The following KIF26B variants were observed in gnomAD, a reference collection of about 807,000 sequenced individuals.
The protein encoded by KIF26B is kinesin-like protein KIF26B.
Under a neutral mutation model 151.2 loss-of-function variants are expected in KIF26B, and 63 were observed. The observed-to-expected ratio is 0.42, with a 90% CI of 0.34 to 0.51. KIF26B has a LOEUF of 0.51. Ranked by LOEUF, KIF26B falls within the 20% of genes least tolerant of loss-of-function variation. KIF26B has a pLI of 0.07. For missense variants in KIF26B, 2,813 were observed against 2,913.6 expected (o/e 0.97, Z 0.79); for synonymous variants, 1,357 against 1,262.1 (o/e 1.08, Z -1.59).
chr1:245,662,334 T>C (rs1049303047), intron 10 of KIF26B, among the ~76,000 whole-genome samples: 1 of 144,166 alleles, frequency 6.9e-6, no homozygotes, highest in South Asian at 2.2e-4. Flanking sequence ...TAATGATATA[T>C]ACACACACAC....
At chr1:245,605,024 C>T (rs956006211) in intron 6 of KIF26B, among the ~76,000 whole-genome samples, 38 of 152,168 alleles carry the variant, frequency 2.5e-4, no homozygotes, top group Admixed American at 1.7e-3. Flanking sequence ...GTATCCTGCT[C>T]GGTATGGTGG....
intron 5 of KIF26B, among the ~76,000 whole-genome samples, chr1:245,586,183 GTGTGTGTGTGTGTGTT>G (rs1200836820): frequency 1.6e-5 from 2 of 128,816 alleles, no homozygotes; most frequent in African/African-American, 5.5e-5. Context: ...GTGTGTGTGT[GTGTGTGTGTGTGTGTT>G]TGTTTTAATA....
chr1:245,605,184 C>T (rs911062766), intron 6 of KIF26B, among the ~76,000 whole-genome samples: 4 of 152,216 alleles, frequency 2.6e-5, no homozygotes, highest in South Asian at 2.1e-4. Flanking sequence ...TGTGATTCCT[C>T]GAGTTGACAC....
chr1:245,205,310 G>C (rs1470187629), intron 2 of KIF26B, among the ~76,000 whole-genome samples: 1 of 152,066 alleles, frequency 6.6e-6, no homozygotes, highest in Non-Finnish European at 1.5e-5. Context: ...CTATATGCTG[G>C]AATTATTTCT....
chr1:245,494,167 A>G (rs12737997), intron 4 of KIF26B, among the ~76,000 whole-genome samples: 5,042 of 152,202 alleles, frequency 0.033, 133 homozygotes, highest in Non-Finnish European at 0.05. Flanking sequence ...TTAGCTGGGC[A>G]TGGTGGTGGG....
At chr1:245,614,606 G>T (rs2043564724) in intron 9 of KIF26B, among the ~76,000 whole-genome samples, 1 of 152,228 alleles carries the variant, frequency 6.6e-6, no homozygotes, top group East Asian at 1.9e-4. Context: ...TCAGCCCTGA[G>T]CTGCCTCCAG....
chr1:245,688,222 G>C lies in KIF26B; in HGVS notation c.5239G>C (p.Gly1747Arg). 6.3e-7 allele frequency: 1 copy of C among 1,587,790 alleles called. No individual in the cohort carries two copies. The highest frequency in any genetic ancestry group is 8.5e-7 in the Non-Finnish European group (1 of 1,171,676). The stretch of plus-strand genomic sequence containing the variant: ...CCTCCTGGCCAGCCCCAGAGCGCGC[G>C]GCCCGTCCGCCTCCACCACCAAAAC... ...RLLLASPRAR[G>R]PSASTTKTLS... The change falls in exon 12 of 15, where the codon GGC becomes CGC. Residue 1747 changes from glycine to arginine, a missense_variant. Transcript: ENST00000407071.
At chr1:245,605,142 A>G (rs566503053) in intron 6 of KIF26B, among the ~76,000 whole-genome samples, 26 of 151,404 alleles carry the variant, frequency 1.7e-4, no homozygotes, top group African/African-American at 6.3e-4. Flanking sequence ...CTGTCAGGTG[A>G]GGACATGACC....
chr1:245,696,955 C>CA (rs1410675973), intron 12 of KIF26B, among the ~76,000 whole-genome samples: 1 of 152,100 alleles, frequency 6.6e-6, no homozygotes, highest in Non-Finnish European at 1.5e-5. Flanking sequence ...ACTAAAAATA[C>CA]AAAAAATTAG....
intron 4 of KIF26B, among the ~76,000 whole-genome samples, chr1:245,477,528 G>A (rs1263598778): frequency 2.0e-5 from 3 of 151,860 alleles, no homozygotes; most frequent in Non-Finnish European, 4.4e-5. Flanking sequence ...AGGTAGCGCA[G>A]GTACGGAAGT....
At chr1:245,217,652 G>A (rs1195143729) in intron 2 of KIF26B, among the ~76,000 whole-genome samples, 1 of 152,178 alleles carries the variant, frequency 6.6e-6, no homozygotes, top group African/African-American at 2.4e-5. Flanking sequence ...CTATAGGCAT[G>A]AGCCACTGCG....
In KIF26B at chr1:245,167,262, A is replaced by G. The variant is rs371881270; in HGVS notation, c.465+10579A>G. Among the ~76,000 whole-genome samples the G allele has an allele frequency of 2.0e-3, 310 of 152,266 alleles. 3 individuals carry two copies. Among genetic ancestry groups the G allele is most frequent in the African/African-American group, 7.1e-3 (294 of 41,544 alleles). On this transcript the variant is annotated intron_variant, in intron 2 of 14. Coordinates refer to ENST00000407071, the MANE Select transcript of KIF26B (RefSeq NM_018012.4). This position sits in a 1 kb window ranked among gnomAD's most constrained non-coding sequence, Gnocchi z 4.2. ...CTTTTCTATCACAGGGGTGACAAAT[A>G]GAAACTTTTATTTTGATATGTCCTT... is the stretch of plus-strand genomic sequence containing the variant.
At chr1:245,432,411 G>T (rs1365529046) in intron 4 of KIF26B, among the ~76,000 whole-genome samples, 1 of 152,130 alleles carries the variant, frequency 6.6e-6, no homozygotes, top group Non-Finnish European at 1.5e-5. Flanking sequence ...TCAAGATGAG[G>T]ATTTGTTAAG....
chr1:245,626,824 A>G (rs753467684), intron 9 of KIF26B, among the ~76,000 whole-genome samples: 1 of 152,172 alleles, frequency 6.6e-6, no homozygotes, highest in Non-Finnish European at 1.5e-5. Flanking sequence ...GTCCCAAAGC[A>G]TTTCCCCTAT....
chr1:245,344,040 G>A (rs1169031767), intron 2 of KIF26B, among the ~76,000 whole-genome samples: 1 of 151,986 alleles, frequency 6.6e-6, no homozygotes, highest in Non-Finnish European at 1.5e-5. Context: ...TAGAACTACT[G>A]TGATTTTTTT....
intron 2 of KIF26B, among the ~76,000 whole-genome samples, chr1:245,194,648 G>A (rs958317773): frequency 3.9e-5 from 6 of 152,238 alleles, no homozygotes; most frequent in African/African-American, 1.4e-4. Context: ...AAAGTGCTGG[G>A]ATTACAGGTG....
chr1:245,206,184 A>C (rs111676244), intron 2 of KIF26B, among the ~76,000 whole-genome samples: 3,943 of 152,238 alleles, frequency 0.026, 140 homozygotes, highest in African/African-American at 0.084. Flanking sequence ...GTCCCTTCTT[A>C]TTCTCCAGCT....
chr1:245,164,050 GTA>G (rs1008784431), intron 2 of KIF26B, among the ~76,000 whole-genome samples: 115 of 152,240 alleles, frequency 7.6e-4, no homozygotes, highest in African/African-American at 2.7e-3. Context: ...GTGGGCATGT[GTA>G]TATATTTTTT....
intron 4 of KIF26B, among the ~76,000 whole-genome samples, chr1:245,470,537 T>C (rs571605699): frequency 6.6e-6 from 1 of 152,218 alleles, no homozygotes; most frequent in Admixed American, 6.5e-5. Flanking sequence ...TTCACGCCAT[T>C]CTCCTGCCTC....
Sources: gnomAD v4.1 joint callset for allele counts (sites outside exome capture counted in the v4.1 genomes callset) on GRCh38, gnomAD v4.1.1 for gene constraint, Gnocchi (gnomAD v3.1) non-coding constraint, MANE v1.5 for transcripts, NCBI Gene and HGNC (gene_info 2026-07-23, HGNC 2026-07-21) for gene names.